Variants in NEB observed in about 807,000 individuals in gnomAD.
NEB encodes nemaline myopathy type 2.
Under a neutral mutation model 952.2 loss-of-function variants are expected in NEB, and 512 were observed. The ratio of observed to expected loss-of-function variants is 0.54; its 90% CI spans 0.50 to 0.58. NEB has a LOEUF of 0.58. Ranked by LOEUF, NEB falls within the 20% of genes least tolerant of loss-of-function variation. The pLI, the probability that NEB is intolerant of heterozygous loss-of-function variation, is 0.00. For missense variants in NEB, 8,428 were observed against 9,231.1 expected (o/e 0.91, Z 3.56); for synonymous variants, 2,900 against 3,149.8 (o/e 0.92, Z 2.66).
chr2:151,578,221 C>T (rs1211514122), intron 105 of NEB, among the ~76,000 whole-genome samples: 1 of 151,704 alleles, frequency 6.6e-6, no homozygotes, highest in African/African-American at 2.4e-5. Flanking sequence ...GCGGAAAATA[C>T]GAGTAAATCT....
chr2:151,663,195 G>T (rs1380087989), intron 45 of NEB, among the ~76,000 whole-genome samples: 1 of 152,154 alleles, frequency 6.6e-6, no homozygotes, highest in Non-Finnish European at 1.5e-5. Flanking sequence ...CAGGTTATCT[G>T]ATTTCTTACT....
In NEB at chr2:151,524,393, C is replaced by T. The variant is rs369436489; in HGVS notation, c.22397G>A (p.Arg7466His). 35 of 1,613,810 alleles carry T rather than the reference C, an allele frequency of 2.2e-5. No homozygotes were observed. Among genetic ancestry groups the T allele is most frequent in the Middle Eastern group, 1.6e-4 (1 of 6,084 alleles). The stretch of plus-strand genomic sequence containing the variant: ...GCTTAAGCCATGGCTGCCTTCCTTG[C>T]GGTGCTTGGCTCTGTACTCCACCTG... Reference protein sequence around the residue: ...ASEVEYRAKHRKEGSHGLSML... With the variant: ...ASEVEYRAKHHKEGSHGLSML... The change falls in exon 153 of 182, where the codon CGC (arginine) becomes CAC (histidine). Residue 7466 changes from arginine to histidine, a missense_variant. Transcript: ENST00000397345.
intron 55 of NEB, among the ~76,000 whole-genome samples, chr2:151,645,669 T>C (rs2098947791): frequency 6.6e-6 from 1 of 152,208 alleles, no homozygotes; most frequent in African/African-American, 2.4e-5. Context: ...AATATTTAAT[T>C]TTCAGATGTA....
At position 151,485,539 on chromosome 2, in the gene NEB, A is replaced by G. The variant is rs116443656; in HGVS notation, c.*221T>C. ...ATGTTAAAACATGTTTATAATGGAGAAAGACTCTAGGCACAGAAATAATAT... is the reference window on the plus strand; with the variant it reads ...ATGTTAAAACATGTTTATAATGGAGGAAGACTCTAGGCACAGAAATAATAT... On this transcript the variant is annotated 3_prime_UTR_variant, in exon 182 of 182. Coordinates refer to ENST00000397345, the MANE Select transcript of NEB (RefSeq NM_001164508.2). 8.1e-4 allele frequency: 325 copies of G among 399,830 alleles called. No homozygotes were observed. The highest frequency in any genetic ancestry group is 5.5e-3 in the African/African-American group (272 of 49,146). 24.8% of individuals were successfully genotyped at this position (399,830 alleles called of 1,614,324 possible).
At chr2:151,560,563 G>GGGGGGGGGGGGGGGGGGGGA in intron 124 of NEB, 29 bp downstream of exon 124, 1 of 1,325,118 alleles carries the variant, frequency 7.5e-7, no homozygotes. Flanking sequence ...GGGAGGGTGG[G>GGGGGGGGGGGGGGGGGGGGA]AAAGCTGTCA....
intron 13 of NEB, among the ~76,000 whole-genome samples, chr2:151,705,853 T>C (rs369523677): frequency 3.9e-5 from 6 of 152,304 alleles, no homozygotes; most frequent in Admixed American, 2.6e-4. Flanking sequence ...CTCTCACTTA[T>C]AAGTGGAAGC....
intron 147 of NEB, 28 bp from the exon 148 acceptor site, chr2:151,527,050 G>T: frequency 6.8e-7 from 1 of 1,472,946 alleles, no homozygotes; most frequent in South Asian, 1.2e-5. Context: ...CAGAAGAAAA[G>T]GGAAGGGTGA....
intron 16 of NEB, 40 bp downstream of exon 16, chr2:151,697,108 T>C (rs1347884799): frequency 1.1e-5 from 16 of 1,459,152 alleles, no homozygotes; most frequent in Admixed American, 1.8e-5. Context: ...CTAGATGCTA[T>C]GGAAGGCAGT....
At chr2:151,518,093 T>G (rs745520362) in intron 156 of NEB, among the ~76,000 whole-genome samples, 3 of 152,164 alleles carry the variant, frequency 2.0e-5, no homozygotes, top group Non-Finnish European at 2.9e-5. Context: ...TCTTTATGCT[T>G]CCAGCCCCTG....
intron 105 of NEB, among the ~76,000 whole-genome samples, chr2:151,579,042 C>G (rs1454540713): frequency 7.8e-6 from 1 of 128,186 alleles, no homozygotes; most frequent in South Asian, 2.6e-4. Context: ...GATTGCACCA[C>G]TGCACTCCAG....
At chr2:151,667,265 T>A (rs1559032639) in intron 40 of NEB, among the ~76,000 whole-genome samples, 1 of 152,074 alleles carries the variant, frequency 6.6e-6, no homozygotes. Context: ...TATTTTAGTA[T>A]ATCATGACTT....
In NEB at chr2:151,555,217, C is replaced by T. The variant is rs191918431; in HGVS notation, c.19315-173G>A. On this transcript the variant is annotated intron_variant, in intron 124 of 181. Transcript: ENST00000397345. ...TGTACAGAGAGATACAGCAGTAGCGCCTGCCATGGGGTTATCGTGTGGCTT... is the reference window on the plus strand; with the variant it reads ...TGTACAGAGAGATACAGCAGTAGCGTCTGCCATGGGGTTATCGTGTGGCTT... Among the ~76,000 whole-genome samples the T allele has an allele frequency of 4.5e-4, 68 of 152,284 alleles. No homozygotes were observed. In the East Asian group the frequency reaches 0.01, roughly 23 times the overall value.
Position 151,493,828 on chromosome 2 carries a change from G to C in NEB, c.24619C>G (p.Pro8207Ala). 1 of 1,586,910 alleles carries C rather than the reference G, an allele frequency of 6.3e-7. No individual in the cohort carries two copies. Among genetic ancestry groups the C allele is most frequent in the Non-Finnish European group, 8.6e-7 (1 of 1,165,464 alleles). The change falls in exon 175 of 182, where the codon CCC (proline) becomes GCC (alanine). Residue 8207 changes from proline (P) to alanine (A), a missense_variant. Pro to Ala is a conservative substitution (Grantham distance 27, BLOSUM62 -1). Transcript: ENST00000397345. ...ACTCTTTCCATCTCAGGAGTAAAGG[G>C]TGTGGGGGTTGCTTTCCCCAGGTTC... is the stretch of plus-strand genomic sequence containing the variant. ...KENLGKATPT[P>A]FTPEMERVKR...
At chr2:151,729,004 T>C (rs563875345) in intron 4 of NEB, among the ~76,000 whole-genome samples, 3 of 152,208 alleles carry the variant, frequency 2.0e-5, no homozygotes, top group African/African-American at 7.2e-5. Flanking sequence ...ATATCACTGT[T>C]TGTCATGCTC....
chr2:151,569,413 A>G (rs373804545), intron 109 of NEB, 41 bp from the exon 110 acceptor site: 2 of 1,467,352 alleles, frequency 1.4e-6, no homozygotes, highest in Non-Finnish European at 1.9e-6. Context: ...AACCCTGGTC[A>G]TGTGGTCCTA....
At chr2:151,641,149 C>T (rs140171212) in intron 60 of NEB, among the ~76,000 whole-genome samples, 129 of 151,752 alleles carry the variant, frequency 8.5e-4, no homozygotes, top group Admixed American at 2.3e-3. Context: ...TATTTATACA[C>T]ACAGAAAAAA....
chr2:151,644,446 T>A (rs192766711), intron 56 of NEB, 22 bp downstream of exon 56: 1 of 1,579,164 alleles, frequency 6.3e-7, no homozygotes, highest in East Asian at 2.2e-5. Context: ...CAAATCAATA[T>A]CAACAGAGGA....
Position 151,492,293 on chromosome 2 carries a change from T to A in NEB, c.24874-12A>T, listed in dbSNP as rs1213485329. 1 of 1,606,654 alleles carries A rather than the reference T, an allele frequency of 6.2e-7. No individual in the cohort carries two copies. Among genetic ancestry groups the A allele is most frequent in the Non-Finnish European group, 8.5e-7 (1 of 1,175,116 alleles). On this transcript the variant is annotated splice_polypyrimidine_tract_variant and intron_variant, in intron 177 of 181. Coordinates refer to ENST00000397345, the MANE Select transcript of NEB (RefSeq NM_001164508.2). ...TCATGATATTTCACCTGAAATGTCATGAATTTGCTTTATGAAAATATGATG... is the reference window on the plus strand; with the variant it reads ...TCATGATATTTCACCTGAAATGTCAAGAATTTGCTTTATGAAAATATGATG...
intron 79 of NEB, 52 bp downstream of exon 79, chr2:151,610,710 A>T: frequency 6.3e-7 from 1 of 1,584,536 alleles, no homozygotes; most frequent in East Asian, 2.2e-5. Context: ...TTACGGTGGA[A>T]AAAGCATTTT....
Sources: allele counts gnomAD v4.1 joint callset (sites outside exome capture counted in the v4.1 genomes callset), GRCh38; gene constraint gnomAD v4.1.1; transcripts MANE v1.5; gene names NCBI Gene and HGNC (gene_info 2026-07-23, HGNC 2026-07-21).